P2RY8: variants seen among roughly 807,000 people sequenced by gnomAD.
P2RY8 encodes the protein P2Y receptor family member 8, also known as S-geranylgeranyl-glutathione receptor P2RY8.
Under a neutral mutation model 10.0 loss-of-function variants are expected in P2RY8, and 6 were observed. The ratio of observed to expected loss-of-function variants is 0.60; its 90% CI spans 0.33 to 1.19. The LOEUF is 1.19. Ranked by LOEUF, P2RY8 falls within the 50% of genes most tolerant of loss-of-function variation. The pLI is 0.04. For synonymous variants in P2RY8, 276 were observed against 252.5 expected, an observed-to-expected ratio of 1.09 and a Z score of -0.88; for missense variants, 456 against 542.0, an observed-to-expected ratio of 0.84 and a Z score of 1.58.
At chrX:1,520,092 C>T (rs1447869556) in intron 1 of P2RY8, among the ~76,000 whole-genome samples, 1 of 151,682 alleles carries the variant, frequency 6.6e-6, no homozygotes, top group African/African-American at 2.4e-5. Context: ...CCAATTATCA[C>T]CTTGGTCCCT....
chrX:1,502,842 A>G (rs5948924), intron 1 of P2RY8, among the ~76,000 whole-genome samples: 121,085 of 139,894 alleles, frequency 0.87, 52,087 homozygotes, highest in Non-Finnish European at 0.93. Context: ...ACGCGGCCAC[A>G]AGCCCAGGGA....
chrX:1,489,074 G>A (rs139037543), intron 1 of P2RY8, among the ~76,000 whole-genome samples: 1 of 151,926 alleles, frequency 6.6e-6, no homozygotes, highest in Non-Finnish European at 1.5e-5. Context: ...CCACAAATGT[G>A]CAGGGAAAGA....
At chrX:1,535,370 T>C in intron 1 of P2RY8, among the ~76,000 whole-genome samples, 1 of 151,510 alleles carries the variant, frequency 6.6e-6, no homozygotes, top group Middle Eastern at 3.4e-3. Context: ...GTATTTTTAG[T>C]AGAGACGGGG....
intron 1 of P2RY8, among the ~76,000 whole-genome samples, chrX:1,497,379 C>T (rs1407587527): frequency 5.3e-5 from 8 of 150,602 alleles, no homozygotes; most frequent in East Asian, 2.0e-4. Context: ...GAGTGTAGGC[C>T]GGGCACGGTG....
chrX:1,529,692 C>T (rs1458461157), intron 1 of P2RY8, among the ~76,000 whole-genome samples: 1 of 152,112 alleles, frequency 6.6e-6, no homozygotes, highest in Non-Finnish European at 1.5e-5. Context: ...TCATATCTAT[C>T]ATTTATCAAT....
intron 1 of P2RY8, among the ~76,000 whole-genome samples, chrX:1,480,568 G>A (rs2091923132): frequency 6.6e-6 from 1 of 151,994 alleles, no homozygotes; most frequent in African/African-American, 2.4e-5. Flanking sequence ...AACTAACAGA[G>A]GAACAGAAAA....
chrX:1,516,871 G>A (rs112318046), intron 1 of P2RY8, among the ~76,000 whole-genome samples: 59 of 143,032 alleles, frequency 4.1e-4, no homozygotes, highest in African/African-American at 1.4e-3. Flanking sequence ...AGCCCTGCCC[G>A]TTCGCTGATC....
At chrX:1,466,624 G>A (rs1242051336) in intron 1 of P2RY8, 42 bp from the exon 2 acceptor site, 5 of 1,523,830 alleles carry the variant, frequency 3.3e-6, no homozygotes, top group Non-Finnish European at 4.4e-6. Flanking sequence ...CAGGGGCGCA[G>A]GTAAAGAGGC....
rs1356854455 is a variant in P2RY8 at position 1,495,593 on chromosome X, C to G, written c.-24-29011G>C. On this transcript the variant is annotated intron_variant, in intron 1 of 1. Coordinates refer to ENST00000381297, the MANE Select transcript of P2RY8 (RefSeq NM_178129.5). ...GTGGGAGAATCAATGTTTGTTGTTT[C>G]TAAGCTGCCCAGTCTATGGTATTCT... Among the ~76,000 whole-genome samples, 4 of 133,076 alleles carry G rather than the reference C, an allele frequency of 3.0e-5. 1 individual carries two copies. Among genetic ancestry groups the G allele is most frequent in the Non-Finnish European group, 6.4e-5 (4 of 62,604 alleles). 87.3% of individuals were successfully genotyped at this position (133,076 alleles called of 152,430 possible).
intron 1 of P2RY8, among the ~76,000 whole-genome samples, chrX:1,510,993 A>C (rs186214281): frequency 5.7e-4 from 87 of 152,174 alleles, no homozygotes; most frequent in African/African-American, 2.1e-3. Context: ...CCTGGCTAAC[A>C]CAGTGAAACC....
intron 1 of P2RY8, among the ~76,000 whole-genome samples, chrX:1,505,654 G>A (rs1221520755): frequency 1.5e-4 from 23 of 152,098 alleles, no homozygotes; most frequent in Non-Finnish European, 2.5e-4. Flanking sequence ...GCTGGGTGTG[G>A]TGGCGGGCGC....
intron 1 of P2RY8, among the ~76,000 whole-genome samples, chrX:1,498,985 C>T (rs1394672527): frequency 2.7e-5 from 4 of 150,018 alleles, no homozygotes; most frequent in African/African-American, 9.9e-5. Context: ...CAGGCGCGTG[C>T]CATAATGCCT....
intron 1 of P2RY8, among the ~76,000 whole-genome samples, chrX:1,498,133 G>A (rs1313995115): frequency 2.0e-5 from 3 of 151,920 alleles, no homozygotes; most frequent in South Asian, 2.1e-4. Context: ...GAGGCCGGGC[G>A]CGGTGGCTCA....
At chrX:1,529,838 G>A (rs1411500632) in intron 1 of P2RY8, among the ~76,000 whole-genome samples, 1 of 151,722 alleles carries the variant, frequency 6.6e-6, no homozygotes, top group Non-Finnish European at 1.5e-5. Context: ...TTTGACAGTG[G>A]TTTCAACTAG....
chrX:1,472,666 G>C (rs761395516), intron 1 of P2RY8, among the ~76,000 whole-genome samples: 1 of 127,296 alleles, frequency 7.9e-6, no homozygotes, highest in South Asian at 3.1e-4. Context: ...GAGGATGTAT[G>C]GATGAATGCA....
At position 1,524,529 on chromosome X, in the gene P2RY8, T is replaced by TCATC. The variant is rs1336843678; in HGVS notation, c.-25+12388_-25+12391dup. Reference sequence around the variant, plus strand: ...TCCATCCATCCATCCATCCATCCATTCATCCATCCATCCATCCATCCATGC... The same window carrying TCATC: ...TCCATCCATCCATCCATCCATCCATTCATCCATCCATCCATCCATCCATCCATGC... On this transcript the variant is annotated intron_variant, in intron 1 of 1. Transcript: ENST00000381297. 1.1e-4 allele frequency among the ~76,000 whole-genome samples: 3 copies of TCATC among 27,576 alleles called. 1 individual carries two copies. The highest frequency in any genetic ancestry group is 1.3e-3 in the South Asian group (1 of 746). 18.1% of individuals were successfully genotyped at this position (27,576 alleles called of 152,430 possible).
chrX:1,463,788 A>C lies in P2RY8; in HGVS notation c.*1691T>G, dbSNP rs1244264999. On this transcript the variant is annotated 3_prime_UTR_variant, in exon 2 of 2. Coordinates refer to ENST00000381297, the MANE Select transcript of P2RY8 (RefSeq NM_178129.5). ...CCTGGGCTTGGGGCAGCATCACTTC[A>C]GTCTCTGCCTCTGTCTTTATGTGGC... 4.3e-6 allele frequency: 1 copy of C among 232,070 alleles called. No homozygotes were observed. The highest frequency in any genetic ancestry group is 8.5e-6 in the Non-Finnish European group (1 of 117,832). 14.4% of individuals were successfully genotyped at this position (232,070 alleles called of 1,614,324 possible).
intron 1 of P2RY8, among the ~76,000 whole-genome samples, chrX:1,531,996 G>A (rs1365020452): frequency 6.6e-6 from 1 of 152,134 alleles, no homozygotes; most frequent in Non-Finnish European, 1.5e-5. Context: ...AGAAGACAGT[G>A]TGGAGAGTCC....
At position 1,486,142 on chromosome X, in the gene P2RY8, C is replaced by T. The variant is rs368463592; in HGVS notation, c.-24-19560G>A. ...CTGAGGCAGGAGAATCGCTTGAACC[C>T]GGGAGGCGGAGGTTGCAGTGAGCGG... On this transcript the variant is annotated intron_variant, in intron 1 of 1. Coordinates refer to ENST00000381297, the MANE Select transcript of P2RY8 (RefSeq NM_178129.5). Among the ~76,000 whole-genome samples the T allele has an allele frequency of 3.5e-3, 532 of 152,266 alleles. 4 individuals carry two copies. The highest frequency in any genetic ancestry group is 0.012 in the African/African-American group (496 of 41,552).
Sources: gnomAD v4.1 joint callset for allele counts (sites outside exome capture counted in the v4.1 genomes callset) on GRCh38, gnomAD v4.1.1 for gene constraint, MANE v1.5 for transcripts, NCBI Gene and HGNC (gene_info 2026-07-23, HGNC 2026-07-21) for gene names.